Variants in ELF5 observed in about 807,000 individuals in gnomAD.
ELF5 encodes ETS-related transcription factor Elf-5.
ELF5 carries 31 observed loss-of-function variants against 38.2 expected under a neutral mutation model. The ratio of observed to expected loss-of-function variants is 0.81; its 90% confidence interval spans 0.61 to 1.10. ELF5 has a LOEUF of 1.10. Ranked by LOEUF, ELF5 falls within the 50% of genes least tolerant of loss-of-function variation. ELF5 has a pLI of 0.00. For synonymous variants in ELF5, 121 were observed against 112.5 expected (o/e 1.08, Z -0.48); for missense variants, 300 against 306.6 (o/e 0.98, Z 0.16).
At chr11:34,485,862 T>C (rs1307199386) in intron 4 of ELF5, among the ~76,000 whole-genome samples, 2 of 152,074 alleles carry the variant, frequency 1.3e-5, no homozygotes, top group Non-Finnish European at 2.9e-5. Context: ...AGCACCACCG[T>C]GAACCCACTA....
chr11:34,490,284 C>CAGAG (rs1409197381), intron 3 of ELF5, among the ~76,000 whole-genome samples: 2 of 152,168 alleles, frequency 1.3e-5, no homozygotes, highest in Non-Finnish European at 1.5e-5. Context: ...AGGGAGCACC[C>CAGAG]AGAACCAGGC....
intron 2 of ELF5, among the ~76,000 whole-genome samples, chr11:34,502,762 G>T (rs1361164143): frequency 6.6e-6 from 1 of 152,232 alleles, no homozygotes; most frequent in Non-Finnish European, 1.5e-5. Context: ...CTGGCCGCAT[G>T]ACTTGATGGG....
chr11:34,505,548 G>C, intron 2 of ELF5, 81 bp downstream of exon 2: 1 of 1,592,756 alleles, frequency 6.3e-7, no homozygotes, highest in South Asian at 1.1e-5. Flanking sequence ...GCACAGCTTT[G>C]TCTTCCACCT....
intron 2 of ELF5, among the ~76,000 whole-genome samples, chr11:34,504,525 G>A (rs1850556479): frequency 1.3e-5 from 2 of 152,202 alleles, no homozygotes; most frequent in Admixed American, 1.3e-4. Context: ...CCCAGAGGCA[G>A]GGGCTTCTGG....
chr11:34,510,627 G>A lies in ELF5; in HGVS notation c.-5+3050C>T, dbSNP rs150933218. On this transcript the variant is annotated intron_variant, in intron 1 of 6. Coordinates refer to ENST00000257832, the MANE Select transcript of ELF5 (RefSeq NM_001422.4). Reference sequence around the variant, plus strand: ...ACAGGCCTGAGGTTAGGCCAGGCCTGCTCAAGGGGGGTGATATTGCCCCCC... The same window carrying A: ...ACAGGCCTGAGGTTAGGCCAGGCCTACTCAAGGGGGGTGATATTGCCCCCC... 4.5e-3 allele frequency among the ~76,000 whole-genome samples: 687 copies of A among 152,300 alleles called. 4 individuals are homozygous for A. Among genetic ancestry groups the A allele is most frequent in the African/African-American group, 0.016 (668 of 41,562 alleles).
At chr11:34,488,272 G>A (rs1850062891) in intron 4 of ELF5, among the ~76,000 whole-genome samples, 1 of 152,138 alleles carries the variant, frequency 6.6e-6, no homozygotes, top group African/African-American at 2.4e-5. Flanking sequence ...TCTGGGCCTG[G>A]CATATAGTAA....
intron 1 of ELF5, among the ~76,000 whole-genome samples, chr11:34,508,847 A>T (rs992219206): frequency 6.6e-5 from 10 of 152,208 alleles, no homozygotes; most frequent in Non-Finnish European, 1.3e-4. Context: ...AGTGGCAGGG[A>T]GGTCCTTAGT....
In ELF5 at chr11:34,484,277, A is replaced by C. The variant is rs1426174689; in HGVS notation, c.407-1778T>G. ...CATACTATACTAATCATACCACACT[A>C]TACTGTAATAACTGTACTATACTAT... On this transcript the variant is annotated intron_variant, in intron 4 of 6. Coordinates refer to ENST00000257832, the MANE Select transcript of ELF5 (RefSeq NM_001422.4). 2.0e-5 allele frequency among the ~76,000 whole-genome samples: 3 copies of C among 151,486 alleles called. No individual in the cohort carries two copies. The East Asian group carries it at 5.8e-4, about 29-fold the overall frequency.
At chr11:34,480,667 T>C in intron 6 of ELF5, 105 bp downstream of exon 6, 1 of 1,304,090 alleles carries the variant, frequency 7.7e-7, no homozygotes, top group Non-Finnish European at 1.1e-6. Context: ...TCATGACCTT[T>C]CCATTATCAA....
intron 3 of ELF5, chr11:34,492,589 T>C (rs1409856069): frequency 6.6e-6 from 1 of 152,244 alleles, no homozygotes; most frequent in East Asian, 1.9e-4. Flanking sequence ...TTAATGATGA[T>C]GGAAAAACAG....
At chr11:34,512,032 C>T (rs775693940) in intron 1 of ELF5, among the ~76,000 whole-genome samples, 14 of 152,152 alleles carry the variant, frequency 9.2e-5, no homozygotes, top group East Asian at 1.9e-4. Flanking sequence ...GGAAGAAAAT[C>T]GGTTTTCCTT....
rs1028171534 is a variant in ELF5, at chr11:34,483,983, A to G, written c.407-1484T>C. 7.3e-5 allele frequency among the ~76,000 whole-genome samples: 11 copies of G among 151,644 alleles called. No homozygotes were observed. In the South Asian group the frequency reaches 2.3e-3, roughly 32 times the overall value. ...TAGTATACTATATTTACTGTACCAC[A>G]CTATACTGTACTATACTATATTAAC... On this transcript the variant is annotated intron_variant, in intron 4 of 6. Transcript: ENST00000257832.
chr11:34,480,459 C>T, intron 6 of ELF5, 145 bp from the exon 7 acceptor site: 5 of 690,736 alleles, frequency 7.2e-6, no homozygotes, highest in African/African-American at 1.8e-5. Flanking sequence ...TATCAACTTA[C>T]ACTTAAACCT....
intron 1 of ELF5, among the ~76,000 whole-genome samples, chr11:34,512,204 G>A (rs1307192247): frequency 6.6e-6 from 1 of 152,168 alleles, no homozygotes; most frequent in Non-Finnish European, 1.5e-5. Flanking sequence ...TGAGGGTTGG[G>A]TGCTTGAGGG....
At chr11:34,499,898 C>A (rs1850417201) in intron 2 of ELF5, among the ~76,000 whole-genome samples, 1 of 152,206 alleles carries the variant, frequency 6.6e-6, no homozygotes, top group African/African-American at 2.4e-5. Context: ...GCAACTCTAA[C>A]AAACTGTCCT....
chr11:34,506,005 GA>G, intron 1 of ELF5, among the ~76,000 whole-genome samples: 1 of 152,278 alleles, frequency 6.6e-6, no homozygotes, highest in South Asian at 2.1e-4. Flanking sequence ...GATATAACTA[GA>G]AAGTGGCAAA....
chr11:34,510,596 G>T (rs1196459439), intron 1 of ELF5, among the ~76,000 whole-genome samples: 1 of 152,178 alleles, frequency 6.6e-6, no homozygotes, highest in Non-Finnish European at 1.5e-5. Context: ...CCAGGGATAT[G>T]TGAACACAGG....
intron 1 of ELF5, among the ~76,000 whole-genome samples, chr11:34,507,526 CAGGGTGTGTGGTTG>C (rs1010622314): frequency 2.6e-5 from 4 of 152,190 alleles, no homozygotes; most frequent in Non-Finnish European, 4.4e-5. Flanking sequence ...AGCTCTGGGG[CAGGGTGTGTGGTTG>C]AGGCTGGAAG....
Position 34,482,495 on chromosome 11 carries a change from A to G in ELF5, c.411T>C (p.Ala137=), listed in dbSNP as rs376280066. Residue 137 remains alanine, a synonymous_variant, in exon 5 of 7, where the codon GCT becomes GCC. Coordinates refer to ENST00000257832, the MANE Select transcript of ELF5 (RefSeq NM_001422.4). ...EESKATIKDY[A]DSNCLKTSGI... ...CACTTGTTTTCAAGCAGTTGGAATC[A>G]GCATCTGAAATAGAATAATTTATAG... is the stretch of plus-strand genomic sequence containing the variant. 5 of 1,612,588 alleles carry G rather than the reference A, an allele frequency of 3.1e-6. No homozygotes were observed. The highest frequency in any genetic ancestry group is 4.5e-5 in the East Asian group (2 of 44,854).
Sources: allele counts gnomAD v4.1 joint callset (sites outside exome capture counted in the v4.1 genomes callset), GRCh38; gene constraint gnomAD v4.1.1; transcripts MANE v1.5; gene names NCBI Gene and HGNC (gene_info 2026-07-23, HGNC 2026-07-21).